CSMD1: variants seen among roughly 807,000 people sequenced by gnomAD.
CSMD1 encodes CUB and Sushi multiple domains 1, also known as CUB and sushi domain-containing protein 1.
CSMD1 carries 213 observed loss-of-function variants against 417.5 expected under a neutral mutation model. That is an observed-to-expected ratio of 0.51 (90% CI 0.46 to 0.57). The LOEUF is 0.57. CSMD1 is among the 20% of genes least tolerant of loss of function. The probability of loss-of-function intolerance (pLI) is 0.00; values close to 1 mark genes in which losing one functional copy is unlikely to be tolerated. For missense variants in CSMD1, 6,923 were observed against 4,529.7 expected, an observed-to-expected ratio of 1.53 and a Z score of -15.17; for synonymous variants, 2,862 against 1,736.8, an observed-to-expected ratio of 1.65 and a Z score of -16.11.
intron 41 of CSMD1, chr8:3,127,686 C>A (rs191154561): frequency 6.6e-6 from 1 of 152,122 alleles, no homozygotes; most frequent in Non-Finnish European, 1.5e-5. Context: ...AACAGTGGAA[C>A]TTTGAAAATA....
At chr8:4,968,086 T>C (rs1809998504) in intron 1 of CSMD1, among the ~76,000 whole-genome samples, 1 of 152,148 alleles carries the variant, frequency 6.6e-6, no homozygotes, top group Non-Finnish European at 1.5e-5. Context: ...ATATAATTTG[T>C]TTCATGATGG....
intron 1 of CSMD1, among the ~76,000 whole-genome samples, chr8:4,858,963 T>A (rs901220663): frequency 6.7e-6 from 1 of 150,252 alleles, no homozygotes; most frequent in African/African-American, 2.4e-5. Context: ...GCCAAGGCAA[T>A]CCTAAGCCAA....
chr8:3,160,452 G>A (rs144885496), intron 38 of CSMD1, among the ~76,000 whole-genome samples: 84 of 152,230 alleles, frequency 5.5e-4, no homozygotes, highest in African/African-American at 1.9e-3. Flanking sequence ...ATATCAGGTG[G>A]ATCAGGAACG....
chr8:4,596,156 A>G (rs754188582), intron 2 of CSMD1, among the ~76,000 whole-genome samples: 5 of 152,180 alleles, frequency 3.3e-5, no homozygotes, highest in Admixed American at 2.0e-4. Flanking sequence ...TCAGGAATAC[A>G]TAAGTCTGGA....
At chr8:4,203,298 C>T (rs1385057369) in intron 3 of CSMD1, among the ~76,000 whole-genome samples, 1 of 152,154 alleles carries the variant, frequency 6.6e-6, no homozygotes, top group Non-Finnish European at 1.5e-5. Flanking sequence ...ACACAGGCCC[C>T]TCAACACCAC....
At chr8:4,176,447 T>G (rs555750899) in intron 3 of CSMD1, among the ~76,000 whole-genome samples, 2 of 152,272 alleles carry the variant, frequency 1.3e-5, no homozygotes, top group African/African-American at 4.8e-5. Context: ...TTTCCTTTCC[T>G]TTTTGATTAT....
intron 7 of CSMD1, among the ~76,000 whole-genome samples, chr8:3,688,055 C>A (rs1041094988): frequency 6.6e-6 from 1 of 152,226 alleles, no homozygotes; most frequent in Non-Finnish European, 1.5e-5. Flanking sequence ...CTCACTGCAT[C>A]TGCTTTTTGT....
At chr8:4,274,917 G>A (rs1246286787) in intron 3 of CSMD1, among the ~76,000 whole-genome samples, 3 of 152,266 alleles carry the variant, frequency 2.0e-5, no homozygotes, top group East Asian at 1.9e-4. Context: ...GAAATGTTGT[G>A]TCTTGGCCAC....
intron 5 of CSMD1, among the ~76,000 whole-genome samples, chr8:3,758,753 T>A (rs1260624117): frequency 4.6e-5 from 7 of 152,148 alleles, no homozygotes; most frequent in Non-Finnish European, 1.0e-4. Flanking sequence ...GAGGTCCTGC[T>A]CTCTGGAGAC....
intron 41 of CSMD1, among the ~76,000 whole-genome samples, chr8:3,141,236 C>T (rs1563080159): frequency 6.6e-6 from 1 of 152,104 alleles, no homozygotes; most frequent in Non-Finnish European, 1.5e-5. Context: ...CTCATCATCC[C>T]CTGTGCGTCT....
At chr8:4,260,088 T>G (rs930990657) in intron 3 of CSMD1, among the ~76,000 whole-genome samples, 10 of 152,260 alleles carry the variant, frequency 6.6e-5, no homozygotes, top group African/African-American at 2.4e-4. Context: ...AACATCCATT[T>G]TACTAGAAAT....
chr8:3,880,999 A>T (rs1806168460), intron 5 of CSMD1, among the ~76,000 whole-genome samples: 1 of 152,182 alleles, frequency 6.6e-6, no homozygotes, highest in African/African-American at 2.4e-5. Flanking sequence ...ATGAAGATCA[A>T]AATTTTAAAA....
intron 1 of CSMD1, among the ~76,000 whole-genome samples, chr8:4,935,692 T>A (rs78287679): frequency 3.9e-5 from 6 of 152,068 alleles, no homozygotes; most frequent in African/African-American, 1.5e-4. Flanking sequence ...ATATTTTTAG[T>A]TCTTGTTAGG....
At chr8:2,955,173 T>A (rs1239610106) in intron 64 of CSMD1, among the ~76,000 whole-genome samples, 1 of 152,232 alleles carries the variant, frequency 6.6e-6, no homozygotes, top group Non-Finnish European at 1.5e-5. Flanking sequence ...GTCTTAAAAA[T>A]AAGACAGAGT....
intron 1 of CSMD1, among the ~76,000 whole-genome samples, chr8:4,809,762 GT>G (rs914778820): frequency 4.6e-5 from 7 of 152,240 alleles, no homozygotes; most frequent in East Asian, 3.9e-4. Context: ...GATAATTCAT[GT>G]TTTTTTACAC....
At chr8:4,469,877 T>TC (rs1800423269) in intron 2 of CSMD1, among the ~76,000 whole-genome samples, 1 of 151,362 alleles carries the variant, frequency 6.6e-6, no homozygotes, top group African/African-American at 2.4e-5. Flanking sequence ...CCTTTTTTTT[T>TC]TTTTATTTGA....
intron 5 of CSMD1, among the ~76,000 whole-genome samples, chr8:3,797,151 T>C (rs138576029): frequency 6.3e-4 from 96 of 152,046 alleles, no homozygotes; most frequent in Non-Finnish European, 9.6e-4. Flanking sequence ...ACAGTCAACA[T>C]AATAATTGAA....
At chr8:3,911,398 G>C (rs1033702221) in intron 5 of CSMD1, among the ~76,000 whole-genome samples, 1 of 151,730 alleles carries the variant, frequency 6.6e-6, no homozygotes, top group African/African-American at 2.4e-5. Context: ...TATGGTGGCG[G>C]GCGCCTGTGA....
At chr8:3,628,856 C>G (rs1276525241) in intron 7 of CSMD1, among the ~76,000 whole-genome samples, 1 of 140,242 alleles carries the variant, frequency 7.1e-6, no homozygotes, top group Non-Finnish European at 1.6e-5. Context: ...TCTAGTAACC[C>G]AAATAATCTA....
Sources: gnomAD v4.1 joint callset for allele counts (sites outside exome capture counted in the v4.1 genomes callset) on GRCh38, gnomAD v4.1.1 for gene constraint, MANE v1.5 for transcripts, NCBI Gene and HGNC (gene_info 2026-07-23, HGNC 2026-07-21) for gene names.